Variants in DHRSX observed in about 807,000 individuals in gnomAD.
The protein encoded by DHRSX is polyprenol dehydrogenase.
In DHRSX, 31 loss-of-function variants were observed where a neutral mutation model predicts 34.0. The ratio of observed to expected loss-of-function variants is 0.91; its 90% CI spans 0.69 to 1.23. The LOEUF is 1.23. DHRSX is among the 50% of genes most tolerant of loss of function. DHRSX has a pLI of 0.00. For synonymous variants in DHRSX, 201 were observed against 183.8 expected (o/e 1.09, Z -0.76); for missense variants, 414 against 428.1 (o/e 0.97, Z 0.29).
intron 1 of DHRSX, among the ~76,000 whole-genome samples, chrX:2,432,903 G>C (rs763986522): frequency 2.4e-4 from 36 of 152,194 alleles, no homozygotes; most frequent in African/African-American, 7.2e-4. Flanking sequence ...TGGGGGTATC[G>C]CTTGAGGCCA....
At chrX:2,426,110 C>A (rs1453934333) in intron 1 of DHRSX, among the ~76,000 whole-genome samples, 1 of 152,016 alleles carries the variant, frequency 6.6e-6, no homozygotes, top group Non-Finnish European at 1.5e-5. Flanking sequence ...GGCTCTTCAC[C>A]ACCTCTGGGG....
At chrX:2,410,626 C>T (rs753834184) in intron 2 of DHRSX, among the ~76,000 whole-genome samples, 20 of 152,270 alleles carry the variant, frequency 1.3e-4, no homozygotes, top group South Asian at 4.1e-4. Flanking sequence ...TCATTGTATT[C>T]GGTATTCTTT....
chrX:2,286,127 C>T (rs1230866014), intron 4 of DHRSX, among the ~76,000 whole-genome samples: 2 of 151,574 alleles, frequency 1.3e-5, no homozygotes, highest in East Asian at 2.0e-4. Context: ...TTGCACACCA[C>T]GAAGATGAAT....
chrX:2,241,834 G>A (rs1472061230), intron 6 of DHRSX, among the ~76,000 whole-genome samples: 2 of 152,066 alleles, frequency 1.3e-5, no homozygotes, highest in Non-Finnish European at 2.9e-5. Flanking sequence ...CTTGAACCCA[G>A]GAGGCAGAGG....
chrX:2,270,554 C>T (rs1447445805), intron 4 of DHRSX, among the ~76,000 whole-genome samples: 1 of 151,962 alleles, frequency 6.6e-6, no homozygotes, highest in Admixed American at 6.6e-5. Flanking sequence ...GAAGACTCAG[C>T]AGTGGGTCCC....
At chrX:2,257,777 C>T (rs1292148431) in intron 5 of DHRSX, among the ~76,000 whole-genome samples, 3 of 152,150 alleles carry the variant, frequency 2.0e-5, no homozygotes, top group Non-Finnish European at 4.4e-5. Flanking sequence ...AGGCACCTGC[C>T]ATGGCGCTTG....
intron 2 of DHRSX, among the ~76,000 whole-genome samples, chrX:2,417,557 C>T (rs917007853): frequency 8.6e-5 from 13 of 151,900 alleles, no homozygotes; most frequent in Non-Finnish European, 1.5e-4. Flanking sequence ...CATGACCTTC[C>T]TAACTAGATC....
At chrX:2,368,577 C>A (rs902888023) in intron 3 of DHRSX, among the ~76,000 whole-genome samples, 3 of 152,212 alleles carry the variant, frequency 2.0e-5, no homozygotes, top group African/African-American at 7.2e-5. Context: ...AGGCCAGGCG[C>A]GGAAGCTCAC....
intron 3 of DHRSX, among the ~76,000 whole-genome samples, chrX:2,303,786 T>G: frequency 4.6e-5 from 1 of 21,886 alleles, no homozygotes; most frequent in Non-Finnish European, 8.6e-5. Context: ...GATGGATGGA[T>G]GGATGGGTGG....
chrX:2,268,480 A>C (rs985592908), intron 4 of DHRSX, among the ~76,000 whole-genome samples: 1 of 152,246 alleles, frequency 6.6e-6, no homozygotes, highest in African/African-American at 2.4e-5. Flanking sequence ...TTATATAGCT[A>C]TACACTTGGG....
At chrX:2,354,665 T>A (rs1427824176) in intron 3 of DHRSX, among the ~76,000 whole-genome samples, 1 of 152,134 alleles carries the variant, frequency 6.6e-6, no homozygotes, top group Non-Finnish European at 1.5e-5. Context: ...TTTCCCCATA[T>A]TGGCCAGGCT....
chrX:2,265,739 T>C (rs1345612279), intron 5 of DHRSX, among the ~76,000 whole-genome samples: 1,816 of 33,460 alleles, frequency 0.054, 2 homozygotes, highest in Admixed American at 0.069. Flanking sequence ...GCAGGGAGCA[T>C]TGTCCCCAGA....
chrX:2,484,796 C>T (rs1006815759), intron 1 of DHRSX, among the ~76,000 whole-genome samples: 2 of 152,018 alleles, frequency 1.3e-5, no homozygotes, highest in Admixed American at 6.6e-5. Context: ...TCGCAGAAGG[C>T]GCAGGAAGAT....
intron 1 of DHRSX, among the ~76,000 whole-genome samples, chrX:2,497,621 C>T (rs1369122413): frequency 6.6e-6 from 1 of 152,164 alleles, no homozygotes; most frequent in Non-Finnish European, 1.5e-5. Flanking sequence ...ATCCATTTTG[C>T]ATCCCAGAAA....
At chrX:2,325,884 A>G (rs1202764159) in intron 3 of DHRSX, among the ~76,000 whole-genome samples, 15 of 151,666 alleles carry the variant, frequency 9.9e-5, no homozygotes. Flanking sequence ...CCACTCCTAA[A>G]CTCCTCGTGT....
intron 2 of DHRSX, among the ~76,000 whole-genome samples, chrX:2,411,982 G>A (rs1334607248): frequency 6.6e-6 from 1 of 152,182 alleles, no homozygotes; most frequent in African/African-American, 2.4e-5. Flanking sequence ...AAGGTGAGGT[G>A]GCACGTGCGG....
chrX:2,231,661 CTTT>C (rs764927677), intron 6 of DHRSX, among the ~76,000 whole-genome samples: 61 of 139,532 alleles, frequency 4.4e-4, no homozygotes, highest in African/African-American at 1.1e-3. Context: ...GCCTTTTCTT[CTTT>C]TTTTCTTTCT....
chrX:2,319,159 T>C (rs968786973), intron 3 of DHRSX, among the ~76,000 whole-genome samples: 1 of 151,894 alleles, frequency 6.6e-6, no homozygotes, highest in Non-Finnish European at 1.5e-5. Flanking sequence ...ACTGAGCAGA[T>C]TCACCCATTT....
intron 3 of DHRSX, among the ~76,000 whole-genome samples, chrX:2,340,460 GTATA>G (rs745970460): frequency 6.6e-6 from 1 of 150,794 alleles, no homozygotes; most frequent in Non-Finnish European, 1.5e-5. Context: ...GTGTGTGTGT[GTATA>G]TATATATATG....
Sources: allele counts gnomAD v4.1 joint callset (sites outside exome capture counted in the v4.1 genomes callset), GRCh38; gene constraint gnomAD v4.1.1; transcripts MANE v1.5; gene names NCBI Gene and HGNC (gene_info 2026-07-23, HGNC 2026-07-21).